Variants in FSTL1 observed in about 807,000 individuals in gnomAD.
FSTL1 encodes follistatin-related protein 1.
FSTL1 carries 24 observed loss-of-function variants against 45.9 expected under a neutral mutation model. The observed-to-expected ratio is 0.52, with a 90% CI of 0.38 to 0.74. The LOEUF is 0.74. Among genes scored for constraint, FSTL1 ranks in the 30% least tolerant of loss-of-function variants. FSTL1 has a pLI of 0.00. For synonymous variants in FSTL1, 120 were observed against 137.6 expected (o/e 0.87, Z 0.89); for missense variants, 340 against 381.8 (o/e 0.89, Z 0.91).
At chr3:120,424,077 C>A (rs1277727121) in intron 2 of FSTL1, 1 of 152,206 alleles carries the variant, frequency 6.6e-6, no homozygotes, top group Non-Finnish European at 1.5e-5. Context: ...TGATGAATGC[C>A]TGTAACAGCA....
chr3:120,447,187 T>G (rs1348182655), intron 2 of FSTL1, among the ~76,000 whole-genome samples: 1 of 152,120 alleles, frequency 6.6e-6, no homozygotes, highest in Admixed American at 6.5e-5. Flanking sequence ...GTTCTTAACA[T>G]TTTCCCAGGC....
At chr3:120,416,524 T>C (rs2107658237) in intron 2 of FSTL1, among the ~76,000 whole-genome samples, 1 of 152,298 alleles carries the variant, frequency 6.6e-6, no homozygotes, top group Non-Finnish European at 1.5e-5. Context: ...TTTCTGAAGA[T>C]ACTAGGTCTT....
At chr3:120,437,192 C>T (rs984988445) in intron 2 of FSTL1, among the ~76,000 whole-genome samples, 1 of 152,188 alleles carries the variant, frequency 6.6e-6, no homozygotes, top group African/African-American at 2.4e-5. Context: ...ATGCCACAAA[C>T]TACAAACTTG....
At chr3:120,409,353 C>T (rs1285251854) in intron 6 of FSTL1, among the ~76,000 whole-genome samples, 179 bp downstream of exon 6, 3 of 152,240 alleles carry the variant, frequency 2.0e-5, no homozygotes, top group South Asian at 4.1e-4. Context: ...CTTACTCCCA[C>T]TGATCAAGCT....
At chr3:120,430,664 A>G (rs184510801) in intron 2 of FSTL1, among the ~76,000 whole-genome samples, 72 of 152,360 alleles carry the variant, frequency 4.7e-4, no homozygotes, top group African/African-American at 1.7e-3. Context: ...GCATTTCCTT[A>G]TCAATATCTA....
chr3:120,450,837 G>C lies in FSTL1; in HGVS notation c.-1+60C>G, dbSNP rs991990030. 12 of 911,062 alleles carry C rather than the reference G, an allele frequency of 1.3e-5. No individual in the cohort carries two copies. The Middle Eastern group carries it at 9.1e-4, about 69-fold the overall frequency. The allele number at this position is 911,062 out of a possible 1,614,324, so 56.4% of individuals were successfully genotyped here. A position where few individuals can be genotyped will look rare whatever the true frequency, so the allele number is the denominator to read the frequency against. ...CGGGTCCCGCAGGCTCGCTCCGGCC[G>C]CCCAAGCACCCCCGGCCGCCCGAAG... On this transcript the variant is annotated intron_variant, in intron 1 of 10. Transcript: ENST00000295633.
intron 2 of FSTL1, among the ~76,000 whole-genome samples, chr3:120,442,810 A>T (rs1319258442): frequency 1.5e-5 from 2 of 133,548 alleles, no homozygotes; most frequent in African/African-American, 7.2e-5. Context: ...AAAAAAAAAA[A>T]GCAGACTTGG....
chr3:120,396,921 T>C lies in FSTL1; in HGVS notation c.*31A>G, dbSNP rs558326883. ...CTCAGCGCTGAAGTGGAGAAGATGC[T>C]GGGATCCAGACACTGGTCTGTGCCT... On this transcript the variant is annotated 3_prime_UTR_variant, in exon 11 of 11. Coordinates refer to ENST00000295633, the MANE Select transcript of FSTL1 (RefSeq NM_007085.5). 3 of 1,551,118 alleles carry C rather than the reference T, an allele frequency of 1.9e-6. No individual in the cohort carries two copies. Among genetic ancestry groups the C allele is most frequent in the East Asian group, 2.2e-5 (1 of 44,594 alleles).
intron 9 of FSTL1, among the ~76,000 whole-genome samples, chr3:120,401,479 G>A (rs1230262033): frequency 6.6e-6 from 1 of 152,040 alleles, no homozygotes; most frequent in Non-Finnish European, 1.5e-5. Flanking sequence ...GCCTCATCCT[G>A]GGTTTCTGAC....
chr3:120,414,062 C>T (rs1173774105), intron 3 of FSTL1, among the ~76,000 whole-genome samples: 8 of 151,962 alleles, frequency 5.3e-5, no homozygotes, highest in African/African-American at 1.9e-4. Context: ...GGATTGCAGA[C>T]GGAGTCTCGT....
Position 120,414,863 on chromosome 3 carries a change from C to G in FSTL1, c.168+1060G>C, listed in dbSNP as rs542479698. On this transcript the variant is annotated intron_variant, in intron 3 of 10. Coordinates refer to ENST00000295633, the MANE Select transcript of FSTL1 (RefSeq NM_007085.5). ...GGGACACAAACACTGCGGAAGGCCG[C>G]AGGGTCCTCTGCCTAGGAAAACCAG... Among the ~76,000 whole-genome samples, 606 of 151,116 alleles carry G rather than the reference C, an allele frequency of 4.0e-3. 4 individuals are homozygous for G. The highest frequency in any genetic ancestry group is 5.8e-3 in the Non-Finnish European group (393 of 67,500).
chr3:120,399,883 C>T lies in FSTL1; in HGVS notation c.882G>A (p.Gln294=), dbSNP rs141248889. The T allele has an allele frequency of 2.5e-6, 4 of 1,599,082 alleles. No homozygotes were observed. The Admixed American group carries it at 5.1e-5, about 20-fold the overall frequency. The change falls in exon 10 of 11, where the codon CAG becomes CAA. Residue 294 remains glutamine (Q), a splice_region_variant and synonymous_variant. Coordinates refer to ENST00000295633, the MANE Select transcript of FSTL1 (RefSeq NM_007085.5). ...TRYVQELQKH[Q]ETAEKTKRVS... is the part of the protein sequence containing the mutation. ...AACCAGCACGGAGGCTGCCACTCAC[C>T]TGATGCTTTTGGAGCTCCTGGACAT...
chr3:120,401,916 G>GGT (rs1936835017), intron 9 of FSTL1, among the ~76,000 whole-genome samples: 1 of 152,160 alleles, frequency 6.6e-6, no homozygotes, highest in South Asian at 2.1e-4. Flanking sequence ...TTTTCGGCCT[G>GGT]GTTCCAAATG....
intron 9 of FSTL1, among the ~76,000 whole-genome samples, chr3:120,402,285 A>G (rs1936841771): frequency 6.6e-6 from 1 of 152,146 alleles, no homozygotes; most frequent in South Asian, 2.1e-4. Context: ...TTGTCTTCCA[A>G]CCACTAGTCT....
chr3:120,405,353 C>G (rs1352396416), intron 6 of FSTL1, among the ~76,000 whole-genome samples: 2 of 152,346 alleles, frequency 1.3e-5, no homozygotes, highest in East Asian at 3.9e-4. Flanking sequence ...AAGTTGCACG[C>G]TGTGAATCAG....
chr3:120,450,074 C>A (rs1043467088), intron 2 of FSTL1, among the ~76,000 whole-genome samples: 10 of 152,044 alleles, frequency 6.6e-5, no homozygotes, highest in African/African-American at 2.4e-4. Context: ...AAACTCGAGC[C>A]CCCAAAGAGC....
chr3:120,431,493 T>C (rs1045537272), intron 2 of FSTL1, among the ~76,000 whole-genome samples: 3 of 152,178 alleles, frequency 2.0e-5, no homozygotes, highest in African/African-American at 7.2e-5. Flanking sequence ...CAATAGCCAC[T>C]GCAGCTAGTA....
Position 120,395,706 on chromosome 3 carries a change from C to T in FSTL1, c.*1246G>A. The T allele has an allele frequency of 3.7e-6, 2 of 534,606 alleles. No homozygotes were observed. The highest frequency in any genetic ancestry group is 7.7e-6 in the Non-Finnish European group (2 of 260,084). The allele number at this position is 534,606 out of a possible 1,614,324, so 33.1% of individuals were successfully genotyped here. On this transcript the variant is annotated 3_prime_UTR_variant, in exon 11 of 11. Transcript: ENST00000295633. The stretch of plus-strand genomic sequence containing the variant: ...AGAGAAGAAGGAAAAATCACAGGAA[C>T]CTATCTCCCCTCTGGACCAATGATC...
chr3:120,444,104 T>C (rs763481183), intron 2 of FSTL1, among the ~76,000 whole-genome samples: 2 of 149,912 alleles, frequency 1.3e-5, no homozygotes, highest in Non-Finnish European at 2.9e-5. Context: ...CCAAAGAGCT[T>C]AGAAACTTGG....
Sources: gnomAD v4.1 joint callset for allele counts (sites outside exome capture counted in the v4.1 genomes callset) on GRCh38, gnomAD v4.1.1 for gene constraint, MANE v1.5 for transcripts, NCBI Gene and HGNC (gene_info 2026-07-23, HGNC 2026-07-21) for gene names.